RIMBP2: variants seen among roughly 807,000 people sequenced by gnomAD.
RIMBP2 encodes the protein RIMS binding protein 2, also known as RIMS-binding protein 2.
Under a neutral mutation model 118.6 loss-of-function variants are expected in RIMBP2, and 48 were observed. That is an observed-to-expected ratio of 0.40 (90% CI 0.32 to 0.51). The LOEUF (loss-of-function observed/expected upper bound fraction) is 0.51, where lower values mean the gene tolerates loss of function less well. Ranked by LOEUF, RIMBP2 falls within the 20% of genes least tolerant of loss-of-function variation. The pLI, the probability that RIMBP2 is intolerant of heterozygous loss-of-function variation, is 0.41. For synonymous variants in RIMBP2, 762 were observed against 742.9 expected, an observed-to-expected ratio of 1.03 and a Z score of -0.42; for missense variants, 1,551 against 1,768.3, an observed-to-expected ratio of 0.88 and a Z score of 2.20.
intron 17 of RIMBP2, among the ~76,000 whole-genome samples, chr12:130,418,428 C>T (rs550927157): frequency 2.0e-5 from 3 of 152,302 alleles, no homozygotes; most frequent in South Asian, 2.1e-4. Context: ...CCTGCTCACA[C>T]CCAGGGATGA....
intron 2 of RIMBP2, among the ~76,000 whole-genome samples, chr12:130,554,570 T>C (rs2056155395): frequency 6.6e-6 from 1 of 152,238 alleles, no homozygotes; most frequent in African/African-American, 2.4e-5. Context: ...CAACAGAAGT[T>C]GTCAGTGAAG....
Position 130,525,693 on chromosome 12 carries a change from G to A in RIMBP2, c.-216-7776C>T, listed in dbSNP as rs572308586. On this transcript the variant is annotated intron_variant, in intron 2 of 22. Transcript: ENST00000690449. This position sits in a 1 kb window ranked among gnomAD's most constrained non-coding sequence, Gnocchi z 4.4. ...GGACGGGGCACTTGGGGATGAGATC[G>A]TATGGGGGGAGATGACCCAAGGGGC... 4.6e-5 allele frequency among the ~76,000 whole-genome samples: 7 copies of A among 152,264 alleles called. No homozygotes were observed. The East Asian group carries it at 7.7e-4, about 17-fold the overall frequency.
intron 7 of RIMBP2, among the ~76,000 whole-genome samples, chr12:130,453,595 G>A (rs527946345): frequency 6.6e-6 from 1 of 152,220 alleles, no homozygotes; most frequent in Non-Finnish European, 1.5e-5. Flanking sequence ...ATACAAACAT[G>A]GCACGGACGG....
chr12:130,676,367 G>A (rs917280257), intron 1 of RIMBP2, among the ~76,000 whole-genome samples: 3 of 149,974 alleles, frequency 2.0e-5, no homozygotes, highest in African/African-American at 7.4e-5. Context: ...GCTCACGCCT[G>A]TAACACCAGC....
chr12:130,445,623 T>C (rs1246243675), intron 9 of RIMBP2, among the ~76,000 whole-genome samples: 5 of 152,222 alleles, frequency 3.3e-5, no homozygotes. Flanking sequence ...AACCCTATAA[T>C]CTTTCAATAA....
chr12:130,542,335 A>G (rs1482320165), intron 2 of RIMBP2, among the ~76,000 whole-genome samples: 1 of 152,172 alleles, frequency 6.6e-6, no homozygotes, highest in Non-Finnish European at 1.5e-5. Flanking sequence ...GGACCCCTAC[A>G]TATGCACATT....
At chr12:130,583,884 A>G (rs993350434) in intron 2 of RIMBP2, among the ~76,000 whole-genome samples, 9 of 147,926 alleles carry the variant, frequency 6.1e-5, no homozygotes, top group African/African-American at 2.0e-4. Flanking sequence ...CATCACCACC[A>G]TCACCTCATC....
In RIMBP2 at chr12:130,674,272, A is replaced by C. The variant is rs185457358; in HGVS notation, c.-352+41950T>G. ...CCCTTCGCCTTCCGCCACGATAAAA[A>C]GTTTCTTAAGGCCTCCCCAGCCATG... On this transcript the variant is annotated intron_variant, in intron 1 of 22. Coordinates refer to ENST00000690449, the MANE Select transcript of RIMBP2 (RefSeq NM_001393629.1). Among the ~76,000 whole-genome samples the C allele has an allele frequency of 9.8e-3, 1,499 of 152,216 alleles. 13 individuals carry two copies. The highest frequency in any genetic ancestry group is 0.031 in the Middle Eastern group (9 of 294).
At chr12:130,482,538 CGAG>C (rs1174808952) in intron 4 of RIMBP2, among the ~76,000 whole-genome samples, 2 of 152,190 alleles carry the variant, frequency 1.3e-5, no homozygotes, top group Admixed American at 6.5e-5. Flanking sequence ...CAATCTGATA[CGAG>C]GAGGAGATTT....
intron 1 of RIMBP2, among the ~76,000 whole-genome samples, chr12:130,715,514 C>T (rs906110151): frequency 2.0e-5 from 3 of 152,308 alleles, no homozygotes; most frequent in South Asian, 4.1e-4. Context: ...CGCTGCCTTT[C>T]CCGGTGAAAT....
chr12:130,594,354 T>C (rs1225354633), intron 2 of RIMBP2, among the ~76,000 whole-genome samples: 4 of 152,206 alleles, frequency 2.6e-5, no homozygotes, highest in Admixed American at 6.5e-5. Context: ...TTATGACCAG[T>C]ATTTTGTAAA....
rs1181905883 is a variant in RIMBP2 at position 130,523,657 on chromosome 12, T to C, written c.-216-5740A>G. Among the ~76,000 whole-genome samples, 1 of 152,184 alleles carries C rather than the reference T, an allele frequency of 6.6e-6. No individual in the cohort carries two copies. Among genetic ancestry groups the C allele is most frequent in the African/African-American group, 2.4e-5 (1 of 41,456 alleles). On this transcript the variant is annotated intron_variant, in intron 2 of 22. Coordinates refer to ENST00000690449, the MANE Select transcript of RIMBP2 (RefSeq NM_001393629.1). This position sits in a 1 kb window ranked among gnomAD's most constrained non-coding sequence, Gnocchi z 4.4. Reference sequence around the variant, plus strand: ...CACGTTCTTTCAATAAACTTGTCAATTTTATTCATTTCAATAATCCCTCCA... The same window carrying C: ...CACGTTCTTTCAATAAACTTGTCAACTTTATTCATTTCAATAATCCCTCCA...
intron 4 of RIMBP2, among the ~76,000 whole-genome samples, chr12:130,492,720 C>T (rs2048756375): frequency 1.3e-5 from 2 of 152,192 alleles, no homozygotes; most frequent in African/African-American, 4.8e-5. Flanking sequence ...GGCTGTGTGC[C>T]CTGGGGTGAG....
In RIMBP2 at chr12:130,442,876, T is replaced by C. The variant is rs751669687; in HGVS notation, c.692-216A>G. On this transcript the variant is annotated intron_variant, in intron 10 of 22. Coordinates refer to ENST00000690449, the MANE Select transcript of RIMBP2 (RefSeq NM_001393629.1). This position sits in a 1 kb window ranked among gnomAD's most constrained non-coding sequence, Gnocchi z 6.9. The stretch of plus-strand genomic sequence containing the variant: ...ATCCCCGTGGCCCAGTCTTCTTTTC[T>C]CCATGATACTTATCGCAACCTGAAA... 2.0e-5 allele frequency among the ~76,000 whole-genome samples: 3 copies of C among 152,166 alleles called. No individual in the cohort carries two copies. The highest frequency in any genetic ancestry group is 4.4e-5 in the Non-Finnish European group (3 of 68,040).
At chr12:130,429,969 GCA>G (rs2077053708) in intron 14 of RIMBP2, 1 of 152,218 alleles carries the variant, frequency 6.6e-6, no homozygotes, top group South Asian at 2.1e-4. Context: ...CTGCACCACC[GCA>G]CAGTCTCACT....
At chr12:130,410,535 T>C (rs2075630570) in intron 19 of RIMBP2, among the ~76,000 whole-genome samples, 1 of 152,234 alleles carries the variant, frequency 6.6e-6, no homozygotes, top group African/African-American at 2.4e-5. Context: ...TATTTAAGTT[T>C]TTAATATGGT....
intron 2 of RIMBP2, among the ~76,000 whole-genome samples, chr12:130,556,402 G>C (rs1271027992): frequency 6.6e-6 from 1 of 152,218 alleles, no homozygotes; most frequent in African/African-American, 2.4e-5. Flanking sequence ...TAAGATAAAT[G>C]ATTGGAACTC....
At chr12:130,645,129 G>A (rs1327719446) in intron 1 of RIMBP2, among the ~76,000 whole-genome samples, 1 of 146,788 alleles carries the variant, frequency 6.8e-6, no homozygotes, top group African/African-American at 2.5e-5. Flanking sequence ...TCACTCTGTT[G>A]CCCAGACTGG....
chr12:130,594,106 C>A (rs2059425928), intron 2 of RIMBP2, among the ~76,000 whole-genome samples: 1 of 152,246 alleles, frequency 6.6e-6, no homozygotes, highest in Non-Finnish European at 1.5e-5. Flanking sequence ...ACTGTAGACA[C>A]TGAAGAATTT....
Sources: allele counts gnomAD v4.1 joint callset (sites outside exome capture counted in the v4.1 genomes callset), GRCh38; gene constraint gnomAD v4.1.1; non-coding constraint Gnocchi (gnomAD v3.1); transcripts MANE v1.5; gene names NCBI Gene and HGNC (gene_info 2026-07-23, HGNC 2026-07-21).